ABCA4: variants seen among roughly 807,000 people sequenced by gnomAD.
ABCA4 encodes the protein retinal-specific phospholipid-transporting ATPase ABCA4.
In ABCA4, 196 loss-of-function variants were observed where a neutral mutation model predicts 263.7. That is an observed-to-expected ratio of 0.74 (90% CI 0.66 to 0.84). The LOEUF (loss-of-function observed/expected upper bound fraction) is 0.84. Among genes scored for constraint, ABCA4 ranks in the 40% least tolerant of loss-of-function variants. The pLI, the probability that ABCA4 is intolerant of heterozygous loss-of-function variation, is 0.00. For synonymous variants in ABCA4, 1,133 were observed against 1,094.2 expected (o/e 1.04, Z -0.70); for missense variants, 2,792 against 2,855.1 (o/e 0.98, Z 0.50).
chr1:94,044,839 A>T, intron 19 of ABCA4, 95 bp from the exon 20 acceptor site: 1 of 1,578,644 alleles, frequency 6.3e-7, no homozygotes, highest in Non-Finnish European at 8.7e-7. Flanking sequence ...GAACTCTCAC[A>T]GATTCCTGCC....
At chr1:94,105,980 G>A (rs1361867451) in intron 4 of ABCA4, among the ~76,000 whole-genome samples, 2 of 152,208 alleles carry the variant, frequency 1.3e-5, no homozygotes, top group East Asian at 3.9e-4. Flanking sequence ...AGTGAGCAGC[G>A]CCCCGGTGAA....
At chr1:94,064,781 A>G (rs1007348) in intron 11 of ABCA4, among the ~76,000 whole-genome samples, 53,099 of 151,952 alleles carry the variant, frequency 0.35, 10,054 homozygotes, top group East Asian at 0.7. Context: ...ACTCAGTAGT[A>G]TGAACGACCA....
At chr1:94,017,325 G>A (rs983890868) in intron 36 of ABCA4, among the ~76,000 whole-genome samples, 2 of 152,176 alleles carry the variant, frequency 1.3e-5, no homozygotes, top group African/African-American at 4.8e-5. Flanking sequence ...GATGCAGTGA[G>A]AACACAGCAT....
intron 26 of ABCA4, among the ~76,000 whole-genome samples, chr1:94,034,526 G>A (rs944608438): frequency 2.6e-5 from 4 of 151,980 alleles, no homozygotes; most frequent in Admixed American, 2.0e-4. Context: ...CCAATGCACA[G>A]CTACAGGTTC....
At chr1:94,060,071 T>C (rs1661077846) in intron 14 of ABCA4, among the ~76,000 whole-genome samples, 1 of 152,186 alleles carries the variant, frequency 6.6e-6, no homozygotes, top group Non-Finnish European at 1.5e-5. Context: ...ATGATGATGA[T>C]AAGTAAATAA....
chr1:94,110,852 C>T (rs1662582171), intron 3 of ABCA4, among the ~76,000 whole-genome samples: 1 of 152,222 alleles, frequency 6.6e-6, no homozygotes, highest in African/African-American at 2.4e-5. Flanking sequence ...CCTGCAGGCC[C>T]ACAGTGAAGA....
chr1:94,062,439 A>T, intron 13 of ABCA4, 138 bp downstream of exon 13: 1 of 987,638 alleles, frequency 1.0e-6, no homozygotes, highest in Non-Finnish European at 1.5e-6. Flanking sequence ...TCAGAGCTCC[A>T]TGCTCTCCAA....
At chr1:94,070,177 A>G (rs531976899) in intron 11 of ABCA4, among the ~76,000 whole-genome samples, 1 of 152,332 alleles carries the variant, frequency 6.6e-6, no homozygotes, top group South Asian at 2.1e-4. Flanking sequence ...CATTCTGGCC[A>G]CAAACACCCA....
chr1:94,067,490 G>T (rs905086183), intron 11 of ABCA4, among the ~76,000 whole-genome samples: 4 of 152,294 alleles, frequency 2.6e-5, no homozygotes, highest in Middle Eastern at 3.4e-3. Flanking sequence ...AAACTTAAAA[G>T]ATTCTCAAAC....
At chr1:94,079,927 T>C (rs911578821) in intron 8 of ABCA4, among the ~76,000 whole-genome samples, 7 of 152,042 alleles carry the variant, frequency 4.6e-5, no homozygotes, top group African/African-American at 1.7e-4. Context: ...TCTTTTCAGT[T>C]TTTAACTAGA....
Position 93,996,104 on chromosome 1 carries a change from G to A in ABCA4, c.6816+5C>T, listed in dbSNP as rs774815742. On this transcript the variant is annotated splice_donor_5th_base_variant and intron_variant, in intron 49 of 49. Transcript: ENST00000370225. ...AGCTGTGGACTGCATAAGCAGCAGG[G>A]GTACCTGGGCTTGTCGACTGGCTCC... is the stretch of plus-strand genomic sequence containing the variant. 1.5e-5 allele frequency: 25 copies of A among 1,613,462 alleles called. No homozygotes were observed. In the Admixed American group the frequency reaches 1.7e-4, roughly 11 times the overall value.
intron 11 of ABCA4, among the ~76,000 whole-genome samples, chr1:94,067,262 G>A (rs2101085063): frequency 6.6e-6 from 1 of 152,278 alleles, no homozygotes; most frequent in East Asian, 1.9e-4. Flanking sequence ...TTAGTAATAT[G>A]ACTCTCAGAG....
At chr1:94,037,413 A>G (rs966841717) in intron 24 of ABCA4, 63 bp from the exon 25 acceptor site, 2 of 1,501,626 alleles carry the variant, frequency 1.3e-6, no homozygotes, top group Admixed American at 3.4e-5. Flanking sequence ...CTGTGAGGTT[A>G]CCCAGATTTC....
rs1012264418 is a variant in ABCA4 at position 94,111,298 on chromosome 1, C to T, written c.302+140G>A. 4.8e-5 allele frequency: 58 copies of T among 1,212,924 alleles called. No individual in the cohort carries two copies. The African/African-American group carries it at 8.5e-4, about 18-fold the overall frequency. 75.1% of individuals were successfully genotyped at this position (1,212,924 alleles called of 1,614,324 possible). ...CAGAATGTTCCAGAGAGGAAACCTG[C>T]TCTGCTCCTAAGAGGTTAGGGGCTC... is the stretch of plus-strand genomic sequence containing the variant. On this transcript the variant is annotated intron_variant, in intron 3 of 49. Coordinates refer to ENST00000370225, the MANE Select transcript of ABCA4 (RefSeq NM_000350.3).
intron 40 of ABCA4, 104 bp downstream of exon 40, chr1:94,010,696 A>T (rs1659519392): frequency 1.3e-6 from 2 of 1,544,486 alleles, no homozygotes; most frequent in East Asian, 4.5e-5. Context: ...TAGAAAAAAC[A>T]TTGTGGAGTG....
chr1:94,093,802 T>A (rs902524636), intron 6 of ABCA4, among the ~76,000 whole-genome samples: 1 of 152,256 alleles, frequency 6.6e-6, no homozygotes, highest in Non-Finnish European at 1.5e-5. Context: ...TTCTTCTTTG[T>A]TGAAATCCAT....
chr1:94,015,926 G>T, intron 36 of ABCA4, 72 bp from the exon 37 acceptor site: 7 of 1,302,230 alleles, frequency 5.4e-6, no homozygotes, highest in Non-Finnish European at 7.6e-6. Flanking sequence ...AATGAGGGGT[G>T]GGGCCAGGCT....
At chr1:94,025,471 T>C (rs896802518) in intron 30 of ABCA4, 1 of 301,766 alleles carries the variant, frequency 3.3e-6, no homozygotes, top group African/African-American at 2.2e-5. Flanking sequence ...CTTGCTTACT[T>C]ATCCACTCCA....
At chr1:94,019,054 T>A in intron 36 of ABCA4, among the ~76,000 whole-genome samples, 1 of 138,112 alleles carries the variant, frequency 7.2e-6, no homozygotes, top group Non-Finnish European at 1.5e-5. Flanking sequence ...TTAGTGTAGA[T>A]ATGTCCTGTG....
Sources: gnomAD v4.1 joint callset for allele counts (sites outside exome capture counted in the v4.1 genomes callset) on GRCh38, gnomAD v4.1.1 for gene constraint, MANE v1.5 for transcripts, NCBI Gene and HGNC (gene_info 2026-07-23, HGNC 2026-07-21) for gene names.